The following NLGN1 variants were observed in gnomAD, a reference collection of about 807,000 sequenced individuals.
NLGN1 encodes the protein neuroligin-1.
A neutral mutation model predicts 65.5 loss-of-function variants in NLGN1; 12 were observed. The observed-to-expected ratio is 0.18, with a 90% CI of 0.12 to 0.30. The LOEUF is 0.30. Among genes scored for constraint, NLGN1 ranks in the 10% least tolerant of loss-of-function variants. The pLI is 1.00. For missense variants in NLGN1, 750 were observed against 1,007.1 expected (o/e 0.74, Z 3.46); for synonymous variants, 350 against 359.5 (o/e 0.97, Z 0.30).
At chr3:173,792,635 TA>T (rs570242047) in intron 3 of NLGN1, among the ~76,000 whole-genome samples, 1 of 151,488 alleles carries the variant, frequency 6.6e-6, no homozygotes, top group Admixed American at 6.6e-5. Context: ...AGACTCACAA[TA>T]AAAAAAAGAC....
At chr3:173,986,712 C>G (rs1720020891) in intron 4 of NLGN1, among the ~76,000 whole-genome samples, 1 of 152,192 alleles carries the variant, frequency 6.6e-6, no homozygotes, top group Non-Finnish European at 1.5e-5. Context: ...CAAACTAATA[C>G]AGCGTCTAGA....
Position 174,068,925 on chromosome 3 carries a change from A to T in NLGN1, c.647-206390A>T, listed in dbSNP as rs137901458. Among the ~76,000 whole-genome samples the T allele has an allele frequency of 1.4e-4, 21 of 152,266 alleles. No homozygotes were observed. The East Asian group carries it at 3.9e-3, about 28-fold the overall frequency. The stretch of plus-strand genomic sequence containing the variant: ...CCGATGCTGTGGGGTAATTCTAGAG[A>T]TTTATTTAACACCTGTAACATGCCA... On this transcript the variant is annotated intron_variant, in intron 4 of 6. Transcript: ENST00000457714.
intron 3 of NLGN1, among the ~76,000 whole-genome samples, chr3:173,748,471 T>G (rs1221730467): frequency 6.6e-6 from 1 of 152,114 alleles, no homozygotes; most frequent in Non-Finnish European, 1.5e-5. Flanking sequence ...ACAATGTGTG[T>G]AAGAAGAAAC....
chr3:173,508,450 G>A (rs2149086003), intron 2 of NLGN1, among the ~76,000 whole-genome samples: 1 of 152,218 alleles, frequency 6.6e-6, no homozygotes, highest in African/African-American at 2.4e-5. Flanking sequence ...TAAAATGTAA[G>A]CCAGGGAGGC....
intron 4 of NLGN1, among the ~76,000 whole-genome samples, chr3:174,058,889 G>T (rs1580059976): frequency 6.6e-6 from 1 of 152,164 alleles, no homozygotes; most frequent in East Asian, 1.9e-4. Context: ...TGTTGCCAAA[G>T]GTTCAGCATT....
At chr3:173,655,045 T>C (rs1759783645) in intron 3 of NLGN1, among the ~76,000 whole-genome samples, 1 of 152,164 alleles carries the variant, frequency 6.6e-6, no homozygotes, top group Non-Finnish European at 1.5e-5. Flanking sequence ...TTTCTATGAG[T>C]ATTCAATAAG....
At chr3:173,934,331 TATA>T (rs1418948640) in intron 4 of NLGN1, among the ~76,000 whole-genome samples, 2 of 150,088 alleles carry the variant, frequency 1.3e-5, no homozygotes, top group African/African-American at 4.9e-5. Flanking sequence ...ATTATTATGT[TATA>T]ATAATAAAAT....
At chr3:173,926,420 G>T (rs762623915) in intron 4 of NLGN1, among the ~76,000 whole-genome samples, 122 of 152,070 alleles carry the variant, frequency 8.0e-4, no homozygotes, top group Non-Finnish European at 1.4e-3. Flanking sequence ...CTCGCAGCTT[G>T]CCATAGAGAA....
chr3:174,256,744 A>C (rs1371128374), intron 4 of NLGN1, among the ~76,000 whole-genome samples: 1 of 151,960 alleles, frequency 6.6e-6, no homozygotes, highest in Non-Finnish European at 1.5e-5. Context: ...AATAATTTTC[A>C]TATGCAAAAG....
intron 3 of NLGN1, among the ~76,000 whole-genome samples, chr3:173,675,177 T>G (rs1002446689): frequency 1.3e-5 from 2 of 152,152 alleles, no homozygotes; most frequent in East Asian, 3.8e-4. Context: ...AAAAAAATCT[T>G]TGTTGATTGA....
At chr3:174,145,171 A>C (rs1186278303) in intron 4 of NLGN1, among the ~76,000 whole-genome samples, 1 of 152,098 alleles carries the variant, frequency 6.6e-6, no homozygotes, top group African/African-American at 2.4e-5. Flanking sequence ...TCCTTTCCCC[A>C]TTGCTTGTTT....
chr3:173,625,658 ATAT>A (rs1754714345), intron 3 of NLGN1, among the ~76,000 whole-genome samples: 1 of 152,144 alleles, frequency 6.6e-6, no homozygotes, highest in Non-Finnish European at 1.5e-5. Flanking sequence ...ATAAATTGAT[ATAT>A]TATTTACTGA....
At chr3:173,913,400 A>G (rs1434170411) in intron 4 of NLGN1, among the ~76,000 whole-genome samples, 3 of 152,180 alleles carry the variant, frequency 2.0e-5, no homozygotes. Context: ...TTAGAAGTTC[A>G]TTATAACCTG....
chr3:173,585,689 T>C (rs1433810965), intron 2 of NLGN1, among the ~76,000 whole-genome samples: 1 of 152,230 alleles, frequency 6.6e-6, no homozygotes, highest in African/African-American at 2.4e-5. Flanking sequence ...TGCAGGCTTT[T>C]TGCCGAGGGC....
intron 4 of NLGN1, among the ~76,000 whole-genome samples, chr3:174,003,081 G>A (rs1723626822): frequency 6.6e-6 from 1 of 152,064 alleles, no homozygotes; most frequent in South Asian, 2.1e-4. Flanking sequence ...GAGTTAACTA[G>A]AAACAAGCTT....
rs1038823777 is a variant in NLGN1 at position 174,145,031 on chromosome 3, T to G, written c.647-130284T>G. Among the ~76,000 whole-genome samples the G allele has an allele frequency of 1.2e-4, 19 of 152,272 alleles. No homozygotes were observed. The East Asian group carries it at 2.1e-3, about 17-fold the overall frequency. On this transcript the variant is annotated intron_variant, in intron 4 of 6. Coordinates refer to ENST00000457714, the Ensembl canonical transcript of NLGN1. ...GGTTTTTTTCTAGGGTTTTTATGGT[T>G]TTAGGTCTTACATTTAAGTCTTTAA...
intron 3 of NLGN1, among the ~76,000 whole-genome samples, chr3:173,666,331 A>G (rs1355271767): frequency 6.6e-6 from 1 of 152,168 alleles, no homozygotes; most frequent in Non-Finnish European, 1.5e-5. Context: ...GATAGGATAC[A>G]ATCGATGTAA....
At position 174,146,815 on chromosome 3, in the gene NLGN1, G is replaced by A. The variant is rs547158929; in HGVS notation, c.647-128500G>A. Among the ~76,000 whole-genome samples, 37 of 152,096 alleles carry A rather than the reference G, an allele frequency of 2.4e-4. No individual in the cohort carries two copies. The South Asian group carries it at 2.5e-3, about 10-fold the overall frequency. On this transcript the variant is annotated intron_variant, in intron 4 of 6. Transcript: ENST00000457714. ...ACTCCTGACCTCAGGGCATCCACCC[G>A]CCTCTGCCTGCCAAAGTGCTGGGAT...
At chr3:174,062,452 C>A (rs1197623848) in intron 4 of NLGN1, among the ~76,000 whole-genome samples, 1 of 151,968 alleles carries the variant, frequency 6.6e-6, no homozygotes, top group Non-Finnish European at 1.5e-5. Context: ...TCTTTTATTG[C>A]TGTTCACATA....
Sources: gnomAD v4.1 joint callset for allele counts (sites outside exome capture counted in the v4.1 genomes callset) on GRCh38, gnomAD v4.1.1 for gene constraint, MANE v1.5 for transcripts, NCBI Gene and HGNC (gene_info 2026-07-23, HGNC 2026-07-21) for gene names.